The following EYS variants were observed in gnomAD, a reference collection of about 807,000 sequenced individuals.
The protein encoded by EYS is EGF-like photoreceptor maintenance factor, also known as protein eyes shut homolog.
A neutral mutation model predicts 282.1 loss-of-function variants in EYS; 250 were observed. The observed-to-expected ratio is 0.89, with a 90% CI of 0.80 to 0.98. EYS has a LOEUF of 0.98. Among genes scored for constraint, EYS ranks in the 50% least tolerant of loss-of-function variants. EYS has a pLI of 0.00. For missense variants in EYS, 4,016 were observed against 3,709.0 expected, an observed-to-expected ratio of 1.08 and a Z score of -2.15; for synonymous variants, 1,355 against 1,282.9, an observed-to-expected ratio of 1.06 and a Z score of -1.20.
At chr6:63,799,915 G>T (rs938391347) in intron 37 of EYS, among the ~76,000 whole-genome samples, 2 of 152,220 alleles carry the variant, frequency 1.3e-5, no homozygotes, top group Admixed American at 1.3e-4. Context: ...GAAGCTTGAC[G>T]GTGGACTGAA....
chr6:63,799,644 G>A lies in EYS; in HGVS notation c.7411+6546C>T, dbSNP rs141415547. On this transcript the variant is annotated intron_variant, in intron 37 of 42. Coordinates refer to ENST00000503581, the MANE Select transcript of EYS (RefSeq NM_001142800.2). ...AAGAATTTATGATTAATCTTGTTGA[G>A]GGACAAGATTAAGATTATGAAATTG... Among the ~76,000 whole-genome samples the A allele has an allele frequency of 2.7e-4, 41 of 152,260 alleles. No homozygotes were observed. The East Asian group carries it at 7.9e-3, about 29-fold the overall frequency.
At chr6:64,843,513 G>A (rs1404516868) in intron 19 of EYS, among the ~76,000 whole-genome samples, 1 of 152,194 alleles carries the variant, frequency 6.6e-6, no homozygotes, top group African/African-American at 2.4e-5. Context: ...AGATTATTTT[G>A]TAGCTTTAGA....
At chr6:64,958,572 A>T (rs1369586140) in intron 14 of EYS, among the ~76,000 whole-genome samples, 1 of 151,368 alleles carries the variant, frequency 6.6e-6, no homozygotes, top group Non-Finnish European at 1.5e-5. Flanking sequence ...CGTCTCTACT[A>T]AAAATACAAA....
chr6:65,329,477 A>G (rs182736470), intron 11 of EYS: 320 of 972,564 alleles, frequency 3.3e-4, no homozygotes, highest in Non-Finnish European at 3.8e-4. Context: ...AGTGCCTTAG[A>G]CAAAAAGATT....
At chr6:64,109,466 A>G (rs1048013900) in intron 31 of EYS, among the ~76,000 whole-genome samples, 1 of 152,040 alleles carries the variant, frequency 6.6e-6, no homozygotes, top group African/African-American at 2.4e-5. Context: ...TTAGTTTGCT[A>G]TATCTATTTT....
intron 2 of EYS, among the ~76,000 whole-genome samples, chr6:65,544,304 T>C (rs573823520): frequency 6.6e-6 from 1 of 152,306 alleles, no homozygotes; most frequent in South Asian, 2.1e-4. Flanking sequence ...TGTCATTTTG[T>C]GCATATTTTC....
rs377634146 is a variant in EYS at position 65,643,897 on chromosome 6, G to A, written c.-447-4005C>T. 9.2e-5 allele frequency among the ~76,000 whole-genome samples: 14 copies of A among 152,080 alleles called. No homozygotes were observed. The South Asian group carries it at 1.0e-3, about 11-fold the overall frequency. ...CAAGAATACCACATCAAGGGAGCAC[G>A]CGGTGGGACAAAAAAATCTGAACAG... On this transcript the variant is annotated intron_variant, in intron 1 of 42. Transcript: ENST00000503581.
chr6:64,954,475 TAAG>T (rs532341689), intron 14 of EYS, among the ~76,000 whole-genome samples: 468 of 152,234 alleles, frequency 3.1e-3, no homozygotes, highest in Non-Finnish European at 5.1e-3. Flanking sequence ...ACACAAATAA[TAAG>T]AATATAGAAA....
intron 23 of EYS, among the ~76,000 whole-genome samples, chr6:64,621,474 A>T (rs1487084918): frequency 6.6e-6 from 1 of 152,182 alleles, no homozygotes; most frequent in Non-Finnish European, 1.5e-5. Context: ...TAGAATATGT[A>T]AAAAAATTTT....
chr6:65,611,178 G>GAA (rs200048825), intron 2 of EYS, among the ~76,000 whole-genome samples: 40 of 144,378 alleles, frequency 2.8e-4, no homozygotes, highest in Non-Finnish European at 3.8e-4. Flanking sequence ...TTAGAATATT[G>GAA]AAAAAAAAAA....
At chr6:65,191,402 G>T (rs1442900823) in intron 12 of EYS, among the ~76,000 whole-genome samples, 1 of 151,812 alleles carries the variant, frequency 6.6e-6, no homozygotes, top group African/African-American at 2.4e-5. Flanking sequence ...TTAGACCACA[G>T]TAACAGCCAC....
intron 35 of EYS, among the ~76,000 whole-genome samples, chr6:63,945,590 A>G: frequency 6.6e-6 from 1 of 152,244 alleles, no homozygotes; most frequent in East Asian, 1.9e-4. Context: ...ATGCAAATAT[A>G]CTTAATTATT....
At chr6:65,616,781 T>C (rs1398152889) in intron 2 of EYS, among the ~76,000 whole-genome samples, 2 of 120,860 alleles carry the variant, frequency 1.7e-5, no homozygotes, top group Non-Finnish European at 3.2e-5. Flanking sequence ...TGACACTCTG[T>C]CTAAAAAAAC....
chr6:64,696,777 G>C (rs1234908965), intron 22 of EYS, among the ~76,000 whole-genome samples: 1 of 152,012 alleles, frequency 6.6e-6, no homozygotes, highest in African/African-American at 2.4e-5. Context: ...ATAATGTGTT[G>C]GGCGACAAGC....
At chr6:65,014,363 TG>T (rs963522246) in intron 13 of EYS, among the ~76,000 whole-genome samples, 2 of 152,082 alleles carry the variant, frequency 1.3e-5, no homozygotes, top group African/African-American at 4.8e-5. Context: ...AAATAAAAAA[TG>T]TGACTTGTAT....
intron 1 of EYS, among the ~76,000 whole-genome samples, chr6:65,672,088 T>C (rs1373969895): frequency 6.6e-6 from 1 of 151,950 alleles, no homozygotes; most frequent in African/African-American, 2.4e-5. Context: ...AAAACAAACA[T>C]AAGAGCTCCA....
chr6:65,506,290 A>AT (rs1014327266), intron 2 of EYS, among the ~76,000 whole-genome samples: 2 of 151,738 alleles, frequency 1.3e-5, no homozygotes, highest in Non-Finnish European at 1.5e-5. Flanking sequence ...CTGATAAGCA[A>AT]TTTTTTTGTA....
chr6:65,552,573 G>C (rs892194619), intron 2 of EYS, among the ~76,000 whole-genome samples: 2 of 151,546 alleles, frequency 1.3e-5, no homozygotes, highest in African/African-American at 4.9e-5. Context: ...CTCATATATC[G>C]AGAATGACAC....
chr6:63,763,870 T>TTTTATATATATA (rs1185179091), intron 40 of EYS, among the ~76,000 whole-genome samples: 2 of 129,664 alleles, frequency 1.5e-5, no homozygotes, highest in African/African-American at 5.7e-5. Context: ...TTATATCTTG[T>TTTTATATATATA]TATATATATA....
Sources: gnomAD v4.1 joint callset for allele counts (sites outside exome capture counted in the v4.1 genomes callset) on GRCh38, gnomAD v4.1.1 for gene constraint, MANE v1.5 for transcripts, NCBI Gene and HGNC (gene_info 2026-07-23, HGNC 2026-07-21) for gene names.